VAV3: variants seen among roughly 807,000 people sequenced by gnomAD.
The protein encoded by VAV3 is guanine nucleotide exchange factor VAV3.
In VAV3, 94 loss-of-function variants were observed where a neutral mutation model predicts 131.2. That is an observed-to-expected ratio of 0.72 (90% confidence interval 0.61 to 0.85). VAV3 has a LOEUF of 0.85. Ranked by LOEUF, VAV3 falls within the 40% of genes least tolerant of loss-of-function variation. VAV3 has a pLI of 0.00. For missense variants in VAV3, 939 were observed against 1,002.7 expected (o/e 0.94, Z 0.86); for synonymous variants, 349 against 342.0 (o/e 1.02, Z -0.22).
intron 17 of VAV3, among the ~76,000 whole-genome samples, chr1:107,703,767 T>A (rs1425758739): frequency 6.6e-6 from 1 of 152,230 alleles, no homozygotes; most frequent in African/African-American, 2.4e-5. Context: ...TTAAAGATCC[T>A]TTCTTGTGTT....
intron 21 of VAV3, among the ~76,000 whole-genome samples, chr1:107,611,887 T>A (rs1019089955): frequency 3.3e-5 from 5 of 152,092 alleles, no homozygotes; most frequent in African/African-American, 1.2e-4. Context: ...TCCTTTTCCA[T>A]CAGTCATAGG....
At chr1:107,593,906 TAG>T (rs1651167212) in intron 25 of VAV3, among the ~76,000 whole-genome samples, 2 of 152,218 alleles carry the variant, frequency 1.3e-5, no homozygotes, top group East Asian at 1.9e-4. Context: ...GTAGAAGTTG[TAG>T]AGTCAGCAGT....
intron 2 of VAV3, among the ~76,000 whole-genome samples, chr1:107,850,646 A>AC (rs983202406): frequency 2.0e-4 from 30 of 152,070 alleles, no homozygotes; most frequent in African/African-American, 7.2e-4. Context: ...GGTGAAGCAA[A>AC]CCACCATGGC....
At chr1:107,777,188 T>C (rs965052553) in intron 4 of VAV3, 43 bp downstream of exon 4, 14 of 1,555,128 alleles carry the variant, frequency 9.0e-6, no homozygotes, top group Admixed American at 1.7e-5. Context: ...AATGGACACA[T>C]AAATTGGCAG....
At chr1:107,803,169 T>C (rs12748295) in intron 2 of VAV3, among the ~76,000 whole-genome samples, 22,349 of 151,994 alleles carry the variant, frequency 0.15, 1,777 homozygotes, top group African/African-American at 0.18. Flanking sequence ...ATTTCTGTGG[T>C]CTCAGTTGTT....
intron 2 of VAV3, among the ~76,000 whole-genome samples, chr1:107,807,945 T>C (rs1002864630): frequency 6.6e-6 from 1 of 152,172 alleles, no homozygotes; most frequent in Non-Finnish European, 1.5e-5. Context: ...GTAGCAAGTA[T>C]TGAGATTTAA....
chr1:107,574,992 TGCGTGCGTGCGCGC>T (rs1452704266), intron 25 of VAV3, among the ~76,000 whole-genome samples: 2 of 64,272 alleles, frequency 3.1e-5, no homozygotes, highest in African/African-American at 7.1e-5. Context: ...TGTGTGTGTG[TGCGTGCGTGCGCGC>T]GCGCGCGCGC....
chr1:107,591,993 T>A (rs1398509665), intron 25 of VAV3, among the ~76,000 whole-genome samples: 1 of 152,092 alleles, frequency 6.6e-6, no homozygotes, highest in Non-Finnish European at 1.5e-5. Flanking sequence ...GCAACATATA[T>A]ACACACATAT....
intron 19 of VAV3, among the ~76,000 whole-genome samples, chr1:107,672,856 T>C (rs1657918290): frequency 1.3e-5 from 2 of 152,200 alleles, no homozygotes; most frequent in African/African-American, 4.8e-5. Context: ...TCCTATCTAA[T>C]GACTTATAGT....
chr1:107,700,972 G>A (rs1660086571), intron 17 of VAV3, among the ~76,000 whole-genome samples: 1 of 152,038 alleles, frequency 6.6e-6, no homozygotes, highest in African/African-American at 2.4e-5. Context: ...ATTGTTTCTT[G>A]ACTTTTTAAT....
In VAV3 at chr1:107,951,035, C is replaced by G. The variant is rs544752400; in HGVS notation, c.204+13631G>C. 1.4e-4 allele frequency among the ~76,000 whole-genome samples: 21 copies of G among 152,282 alleles called. No individual in the cohort carries two copies. In the South Asian group the frequency reaches 4.4e-3, roughly 32 times the overall value. Reference sequence around the variant, plus strand: ...CCAGCCTATCCACCAAAGATAGGTACTTCAATGTCTTTCCTGACAAATGCA... The same window carrying G: ...CCAGCCTATCCACCAAAGATAGGTAGTTCAATGTCTTTCCTGACAAATGCA... On this transcript the variant is annotated intron_variant, in intron 1 of 26. Transcript: ENST00000370056.
At chr1:107,662,434 A>G (rs1336788446) in intron 19 of VAV3, among the ~76,000 whole-genome samples, 2 of 152,206 alleles carry the variant, frequency 1.3e-5, no homozygotes, top group Non-Finnish European at 2.9e-5. Context: ...CCTCAAGTGG[A>G]GACAATAATG....
chr1:107,804,330 C>T (rs1666961726), intron 2 of VAV3, among the ~76,000 whole-genome samples: 1 of 152,060 alleles, frequency 6.6e-6, no homozygotes, highest in African/African-American at 2.4e-5. Flanking sequence ...TTTTTACTGT[C>T]TTCCTTTGTG....
intron 1 of VAV3, among the ~76,000 whole-genome samples, chr1:107,916,154 C>A (rs1672610362): frequency 1.3e-5 from 2 of 151,910 alleles, no homozygotes; most frequent in African/African-American, 4.8e-5. Flanking sequence ...ATCCAGACAT[C>A]ACATTAAAAG....
chr1:107,705,987 CT>C (rs556247887), intron 15 of VAV3, among the ~76,000 whole-genome samples: 58 of 151,604 alleles, frequency 3.8e-4, no homozygotes, highest in Admixed American at 1.6e-3. Flanking sequence ...AAACATTTAA[CT>C]TTTTTTTTAC....
chr1:107,672,287 A>G (rs1570727222), intron 19 of VAV3: 1 of 151,690 alleles, frequency 6.6e-6, no homozygotes, highest in African/African-American at 2.4e-5. Context: ...AAAAAAAAAA[A>G]AAAAGATAAA....
At position 107,964,919 on chromosome 1, in the gene VAV3, G is replaced by T. The variant is rs769974059; in HGVS notation, c.-50C>A. 2.2e-5 allele frequency: 26 copies of T among 1,170,422 alleles called. No individual in the cohort carries two copies. Among genetic ancestry groups the T allele is most frequent in the Middle Eastern group, 3.3e-4 (1 of 3,054 alleles). 72.5% of individuals were successfully genotyped at this position (1,170,422 alleles called of 1,614,324 possible). A position where few individuals can be genotyped will look rare whatever the true frequency, so the allele number is the denominator to read the frequency against. On this transcript the variant is annotated 5_prime_UTR_variant, in exon 1 of 27. Transcript: ENST00000370056. ...GGGCCGGGGCGGGCGGCAAGGATGC[G>T]GCCGCCGCCGCCGCCGCCGCGGTTC...
At chr1:107,747,288 T>C (rs1361546665) in intron 15 of VAV3, among the ~76,000 whole-genome samples, 2 of 151,918 alleles carry the variant, frequency 1.3e-5, no homozygotes, top group Non-Finnish European at 2.9e-5. Flanking sequence ...CTCTAGGACA[T>C]GAAATTCAAT....
intron 2 of VAV3, among the ~76,000 whole-genome samples, chr1:107,873,773 C>T (rs1012223581): frequency 3.3e-5 from 5 of 152,114 alleles, no homozygotes; most frequent in Non-Finnish European, 7.4e-5. Flanking sequence ...GTACAGCTTT[C>T]CAAGCTGGCA....
Sources: allele counts gnomAD v4.1 joint callset (sites outside exome capture counted in the v4.1 genomes callset), GRCh38; gene constraint gnomAD v4.1.1; transcripts MANE v1.5; gene names NCBI Gene and HGNC (gene_info 2026-07-23, HGNC 2026-07-21).